ATP8A1: variants seen among roughly 807,000 people sequenced by gnomAD.
ATP8A1 encodes phospholipid-transporting ATPase IA.
ATP8A1 carries 90 observed loss-of-function variants against 177.7 expected under a neutral mutation model. The ratio of observed to expected loss-of-function variants is 0.51; its 90% CI spans 0.43 to 0.60. ATP8A1 has a LOEUF of 0.60. Among genes scored for constraint, ATP8A1 ranks in the 20% least tolerant of loss-of-function variants. The pLI is 0.00. For missense variants in ATP8A1, 1,072 were observed against 1,392.8 expected, an observed-to-expected ratio of 0.77 and a Z score of 3.67; for synonymous variants, 493 against 485.9, an observed-to-expected ratio of 1.01 and a Z score of -0.19.
intron 20 of ATP8A1, among the ~76,000 whole-genome samples, chr4:42,525,888 G>A (rs1004678351): frequency 8.6e-5 from 13 of 152,020 alleles, no homozygotes; most frequent in African/African-American, 2.7e-4. Flanking sequence ...ATTCCAAGCC[G>A]CAATTCTGAA....
At chr4:42,418,703 C>T (rs1377094201) in intron 35 of ATP8A1, among the ~76,000 whole-genome samples, 1 of 152,072 alleles carries the variant, frequency 6.6e-6, no homozygotes, top group African/African-American at 2.4e-5. Context: ...TCTACCATAA[C>T]CCATGGCTCA....
rs2153164299 is a variant in ATP8A1, at chr4:42,409,757, TGTAA to T, written c.*3155_*3158del. 6.6e-6 allele frequency: 1 copy of T among 152,284 alleles called. No homozygotes were observed. Among genetic ancestry groups the T allele is most frequent in the African/African-American group, 2.4e-5 (1 of 41,582 alleles). 9.4% of individuals were successfully genotyped at this position (152,284 alleles called of 1,614,324 possible). A position where few individuals can be genotyped will look rare whatever the true frequency, so the allele number is the denominator to read the frequency against. On this transcript the variant is annotated 3_prime_UTR_variant, in exon 37 of 37. Coordinates refer to ENST00000381668, the MANE Select transcript of ATP8A1 (RefSeq NM_006095.2). ...CGAGAAAACATTTTAAATGACAAGT[TGTAA>T]GTGTTGTACAGTGCACGCAATGCAA...
At chr4:42,645,824 T>C (rs146805291) in intron 1 of ATP8A1, among the ~76,000 whole-genome samples, 3 of 152,030 alleles carry the variant, frequency 2.0e-5, no homozygotes, top group Admixed American at 6.6e-5. Flanking sequence ...CATTCTGGCA[T>C]AGATGGTAGA....
chr4:42,536,978 C>A (rs1281185387), intron 20 of ATP8A1, among the ~76,000 whole-genome samples: 2 of 151,578 alleles, frequency 1.3e-5, no homozygotes, highest in African/African-American at 4.8e-5. Context: ...TAAAAAAATA[C>A]AAAATTAGCC....
At chr4:42,516,008 G>T (rs1340462697) in intron 22 of ATP8A1, among the ~76,000 whole-genome samples, 1 of 152,178 alleles carries the variant, frequency 6.6e-6, no homozygotes, top group Non-Finnish European at 1.5e-5. Flanking sequence ...TGGAAAGCAT[G>T]AACTAGATTT....
At chr4:42,545,301 C>G (rs1000181781) in intron 19 of ATP8A1, among the ~76,000 whole-genome samples, 1 of 152,118 alleles carries the variant, frequency 6.6e-6, no homozygotes, top group Non-Finnish European at 1.5e-5. Context: ...CCTATACATT[C>G]TACGTTAGCC....
intron 16 of ATP8A1, among the ~76,000 whole-genome samples, chr4:42,555,538 A>C (rs7666279): frequency 0.36 from 54,338 of 152,014 alleles, 9,919 homozygotes; most frequent in Non-Finnish European, 0.4. Flanking sequence ...TAAAAATGAT[A>C]ATGAGGCCAG....
chr4:42,617,659 T>C (rs1248526956), intron 4 of ATP8A1, among the ~76,000 whole-genome samples: 1 of 152,132 alleles, frequency 6.6e-6, no homozygotes, highest in Non-Finnish European at 1.5e-5. Flanking sequence ...TACGAGACAA[T>C]GGTTAGATTT....
rs753492311 is a variant in ATP8A1, at chr4:42,598,153, T to G, written c.450+2325A>C. Among the ~76,000 whole-genome samples, 213 of 152,276 alleles carry G rather than the reference T, an allele frequency of 1.4e-3. 1 individual carries two copies. The highest frequency in any genetic ancestry group is 1.9e-3 in the Non-Finnish European group (131 of 67,970). ...TATTTATTAAGGCCTTTATTCTATT[T>G]GTACGTTTTCTAAAAACAACATTTT... On this transcript the variant is annotated intron_variant, in intron 6 of 36. Coordinates refer to ENST00000381668, the MANE Select transcript of ATP8A1 (RefSeq NM_006095.2).
chr4:42,583,513 A>G (rs996191930), intron 9 of ATP8A1, among the ~76,000 whole-genome samples: 2 of 152,222 alleles, frequency 1.3e-5, no homozygotes, highest in African/African-American at 4.8e-5. Context: ...TCACCTCAGC[A>G]GTGGTGGTGT....
In ATP8A1 at chr4:42,451,965, T is replaced by C; in HGVS notation, c.2896+16A>G. ...GTAAAAAGTCATCTCTTTGCATTCA[T>C]ATCCCTTCTACTTACCATACTGAAG... On this transcript the variant is annotated intron_variant, in intron 30 of 36. Coordinates refer to ENST00000381668, the MANE Select transcript of ATP8A1 (RefSeq NM_006095.2). 1 of 1,559,340 alleles carries C rather than the reference T, an allele frequency of 6.4e-7. No homozygotes were observed. Among genetic ancestry groups the C allele is most frequent in the Non-Finnish European group, 8.8e-7 (1 of 1,134,884 alleles).
At chr4:42,458,382 G>A (rs1291006893) in intron 27 of ATP8A1, among the ~76,000 whole-genome samples, 1 of 152,128 alleles carries the variant, frequency 6.6e-6, no homozygotes, top group African/African-American at 2.4e-5. Context: ...AAAGCTTCTG[G>A]AAATTAGAAA....
intron 20 of ATP8A1, among the ~76,000 whole-genome samples, chr4:42,541,663 C>G (rs1728401312): frequency 6.6e-6 from 1 of 152,128 alleles, no homozygotes; most frequent in South Asian, 2.1e-4. Context: ...TGTGGCACAT[C>G]CAGACAATGG....
chr4:42,495,668 G>A (rs1051924880), intron 24 of ATP8A1, among the ~76,000 whole-genome samples: 11 of 150,638 alleles, frequency 7.3e-5, no homozygotes, highest in African/African-American at 1.7e-4. Flanking sequence ...TTCCAAACTC[G>A]TAGCCTGTAC....
rs770200310 is a variant in ATP8A1, at chr4:42,522,151, T to A, written c.1947+9A>T. The A allele has an allele frequency of 1.1e-5, 17 of 1,603,494 alleles. No homozygotes were observed. Among genetic ancestry groups the A allele is most frequent in the Non-Finnish European group, 1.4e-5 (16 of 1,177,450 alleles). Reference sequence around the variant, plus strand: ...ACCCTCTGTATGATCAACAGAATCATCCACGTACCTTTTCAATCAACTCAT... The same window carrying A: ...ACCCTCTGTATGATCAACAGAATCAACCACGTACCTTTTCAATCAACTCAT... On this transcript the variant is annotated intron_variant, in intron 22 of 36. Coordinates refer to ENST00000381668, the MANE Select transcript of ATP8A1 (RefSeq NM_006095.2).
intron 25 of ATP8A1, among the ~76,000 whole-genome samples, chr4:42,476,004 C>T (rs1721022668): frequency 6.6e-6 from 1 of 151,990 alleles, no homozygotes; most frequent in Non-Finnish European, 1.5e-5. Context: ...CACACCATTG[C>T]ACCCCAGCCT....
chr4:42,516,531 A>C (rs1023092683), intron 22 of ATP8A1, among the ~76,000 whole-genome samples: 2 of 152,254 alleles, frequency 1.3e-5, no homozygotes, highest in African/African-American at 4.8e-5. Context: ...GTAATTCTCA[A>C]GATAAATGAT....
At chr4:42,567,937 C>T (rs1731518827) in intron 15 of ATP8A1, among the ~76,000 whole-genome samples, 2 of 152,090 alleles carry the variant, frequency 1.3e-5, no homozygotes, top group Admixed American at 1.3e-4. Context: ...ATATATATCA[C>T]TTCTATGCTA....
At chr4:42,510,001 G>T (rs1303534199) in intron 22 of ATP8A1, among the ~76,000 whole-genome samples, 1 of 152,052 alleles carries the variant, frequency 6.6e-6, no homozygotes, top group Admixed American at 6.6e-5. Flanking sequence ...TGGTAGGTTT[G>T]CTCAAAATTA....
Sources: allele counts gnomAD v4.1 joint callset (sites outside exome capture counted in the v4.1 genomes callset), GRCh38; gene constraint gnomAD v4.1.1; transcripts MANE v1.5; gene names NCBI Gene and HGNC (gene_info 2026-07-23, HGNC 2026-07-21).